Variants in DST observed in about 807,000 individuals in gnomAD.
The protein encoded by DST is dystonin.
A neutral mutation model predicts 875.2 loss-of-function variants in DST; 253 were observed. That is an observed-to-expected ratio of 0.29 (90% CI 0.26 to 0.32). DST has a LOEUF of 0.32. Ranked by LOEUF, DST falls within the 10% of genes least tolerant of loss-of-function variation. The pLI is 1.00. For synonymous variants in DST, 3,124 were observed against 3,197.1 expected, an observed-to-expected ratio of 0.98 and a Z score of 0.77; for missense variants, 8,287 against 9,111.6, an observed-to-expected ratio of 0.91 and a Z score of 3.68.
At chr6:56,691,181 C>T (rs2099226112) in intron 9 of DST, among the ~76,000 whole-genome samples, 2 of 152,150 alleles carry the variant, frequency 1.3e-5, no homozygotes, top group African/African-American at 2.4e-5. Flanking sequence ...TGCTGGAAAA[C>T]ATATGTGAAA....
Position 56,604,437 on chromosome 6 carries a change from C to T in DST, c.10191G>A (p.Gln3397=). Reference sequence around the variant, plus strand: ...GCACAGTAGATGCCTCATTTACCAACTGTGATGTGGTAATCCTTTTAATTA... The same window carrying T: ...GCACAGTAGATGCCTCATTTACCAATTGTGATGTGGTAATCCTTTTAATTA... ...QNLIKRITTS[Q]LVNEASTVPS... is the part of the protein sequence containing the mutation. Residue 3397 remains glutamine (Q), a synonymous_variant, in exon 40 of 104, where the codon CAG becomes CAA. Transcript: ENST00000680361. 6.2e-7 allele frequency: 1 copy of T among 1,609,350 alleles called. No homozygotes were observed. The highest frequency in any genetic ancestry group is 8.5e-7 in the Non-Finnish European group (1 of 1,177,230).
chr6:56,901,680 T>TAC (rs2127692495), intron 2 of DST, among the ~76,000 whole-genome samples: 1 of 152,182 alleles, frequency 6.6e-6, no homozygotes, highest in East Asian at 1.9e-4. Context: ...TATATATATA[T>TAC]ACATGTAAAA....
intron 92 of DST, among the ~76,000 whole-genome samples, chr6:56,475,365 T>C (rs1225679003): frequency 2.0e-5 from 3 of 151,612 alleles, no homozygotes; most frequent in Non-Finnish European, 4.4e-5. Context: ...AGAGCCATTA[T>C]AGACATTGAT....
At chr6:56,817,715 T>A (rs2099768246) in intron 4 of DST, among the ~76,000 whole-genome samples, 1 of 152,232 alleles carries the variant, frequency 6.6e-6, no homozygotes, top group Non-Finnish European at 1.5e-5. Context: ...GTCTCCATTA[T>A]GATAAACCAA....
intron 69 of DST, among the ~76,000 whole-genome samples, chr6:56,523,460 T>C (rs1322072534): frequency 6.6e-6 from 1 of 152,196 alleles, no homozygotes; most frequent in Non-Finnish European, 1.5e-5. Context: ...TGTTCCCTTC[T>C]GTTCTCCCTT....
rs2152720440 is a variant in DST, at chr6:56,611,494, T to A, written c.5147+14A>T. 6.3e-7 allele frequency: 1 copy of A among 1,588,216 alleles called. No homozygotes were observed. Among genetic ancestry groups the A allele is most frequent in the Non-Finnish European group, 8.6e-7 (1 of 1,157,966 alleles). On this transcript the variant is annotated intron_variant, in intron 38 of 103. Coordinates refer to ENST00000680361, the MANE Select transcript of DST (RefSeq NM_001374736.1). ...CCCCACTTAAAATAAAAGAGCTAAC[T>A]ACAACCAACATACTTGTCTCCATGT... is the stretch of plus-strand genomic sequence containing the variant.
At chr6:56,511,469 C>T in intron 72 of DST, 69 bp from the exon 73 acceptor site, 1 of 1,313,670 alleles carries the variant, frequency 7.6e-7, no homozygotes, top group Non-Finnish European at 1.1e-6. Flanking sequence ...TCTACACCTG[C>T]AATGCATCCA....
intron 2 of DST, among the ~76,000 whole-genome samples, chr6:56,902,026 T>C (rs1794368692): frequency 6.6e-6 from 1 of 152,166 alleles, no homozygotes; most frequent in Non-Finnish European, 1.5e-5. Context: ...TGAAGCTGAG[T>C]ATAGTTACAT....
chr6:56,645,353 G>A (rs1004190523), intron 15 of DST, among the ~76,000 whole-genome samples: 10 of 152,188 alleles, frequency 6.6e-5, no homozygotes, highest in Admixed American at 2.0e-4. Flanking sequence ...AACTAGTGAT[G>A]ATTTCATGGA....
intron 36 of DST, chr6:56,620,766 A>T: frequency 1.3e-6 from 2 of 1,504,900 alleles, no homozygotes; most frequent in Non-Finnish European, 1.8e-6. Context: ...AAAATATCTT[A>T]CAACGTATGA....
At chr6:56,558,021 A>T (rs1365892162) in intron 58 of DST, among the ~76,000 whole-genome samples, 1 of 152,190 alleles carries the variant, frequency 6.6e-6, no homozygotes, top group Non-Finnish European at 1.5e-5. Flanking sequence ...AACATTAAAA[A>T]ATAAAACTCA....
At chr6:56,755,975 A>G (rs2099601589) in intron 4 of DST, among the ~76,000 whole-genome samples, 1 of 152,202 alleles carries the variant, frequency 6.6e-6, no homozygotes, top group Non-Finnish European at 1.5e-5. Context: ...AAGACACGCC[A>G]CTTCCAGCGA....
intron 4 of DST, among the ~76,000 whole-genome samples, chr6:56,798,126 C>T (rs1164635200): frequency 6.6e-6 from 1 of 152,140 alleles, no homozygotes; most frequent in Non-Finnish European, 1.5e-5. Flanking sequence ...TAAAATCTGG[C>T]TAAAATCATT....
chr6:56,532,701 T>G (rs148214638), intron 63 of DST, among the ~76,000 whole-genome samples, 191 bp from the exon 64 acceptor site: 1 of 152,336 alleles, frequency 6.6e-6, no homozygotes, highest in East Asian at 1.9e-4. Flanking sequence ...GGTCAGACAC[T>G]GTGGCAGGGG....
At position 56,603,341 on chromosome 6, in the gene DST, A is replaced by T. The variant is rs558502500; in HGVS notation, c.11021T>A (p.Leu3674His). The change falls in exon 42 of 104, where the codon CTT becomes CAT. Residue 3674 changes from leucine to histidine, a missense_variant. By Grantham distance (99) the Leu-to-His change is moderately conservative. Transcript: ENST00000680361. The stretch of plus-strand genomic sequence containing the variant: ...ATGGCCTCTGGGAAAGTCACTGGGA[A>T]GAGACTTTAAAAACTCTTCTGCCAA... The part of the protein sequence containing the change: ...MKLAEEFLKS[L>H]PSDFPRGHVE... The T allele has an allele frequency of 1.2e-6, 2 of 1,611,234 alleles. No individual in the cohort carries two copies. The highest frequency in any genetic ancestry group is 2.2e-5 in the South Asian group (2 of 91,008).
chr6:56,623,220 T>C (rs1042229239), intron 36 of DST, among the ~76,000 whole-genome samples: 2 of 152,164 alleles, frequency 1.3e-5, no homozygotes, highest in African/African-American at 4.8e-5. Flanking sequence ...GCATTCTGCC[T>C]CATCAGATAA....
chr6:56,568,734 A>C (rs887957606), intron 54 of DST, 139 bp from the exon 55 acceptor site: 2 of 757,474 alleles, frequency 2.6e-6, no homozygotes, highest in Non-Finnish European at 4.0e-6. Context: ...AGAAAAAGGC[A>C]CCTATTTGTT....
chr6:56,757,715 T>C (rs1237049083), intron 4 of DST, among the ~76,000 whole-genome samples: 1 of 152,184 alleles, frequency 6.6e-6, no homozygotes, highest in East Asian at 1.9e-4. Flanking sequence ...TCCTTTCTAC[T>C]GGCTGGGGAC....
At chr6:56,764,891 A>G (rs528066613) in intron 4 of DST, among the ~76,000 whole-genome samples, 1 of 147,476 alleles carries the variant, frequency 6.8e-6, no homozygotes, top group Admixed American at 7.1e-5. Flanking sequence ...CGGGAGGCAG[A>G]GGTTGCAGTG....
Sources: gnomAD v4.1 joint callset for allele counts (sites outside exome capture counted in the v4.1 genomes callset) on GRCh38, gnomAD v4.1.1 for gene constraint, MANE v1.5 for transcripts, NCBI Gene and HGNC (gene_info 2026-07-23, HGNC 2026-07-21) for gene names.